MAD1L1: variants seen among roughly 807,000 people sequenced by gnomAD.
The protein encoded by MAD1L1 is mitotic arrest deficient 1 like 1, also known as mitotic spindle assembly checkpoint protein MAD1.
MAD1L1 carries 95 observed loss-of-function variants against 96.9 expected under a neutral mutation model. That is an observed-to-expected ratio of 0.98 (90% CI 0.83 to 1.16). The LOEUF is 1.16. Ranked by LOEUF, MAD1L1 falls within the 50% of genes most tolerant of loss-of-function variation. The probability of loss-of-function intolerance (pLI) is 0.00; values close to 1 mark genes in which losing one functional copy is unlikely to be tolerated. For missense variants in MAD1L1, 1,007 were observed against 954.4 expected, an observed-to-expected ratio of 1.06 and a Z score of -0.73; for synonymous variants, 473 against 396.6, an observed-to-expected ratio of 1.19 and a Z score of -2.29.
At chr7:1,996,934 A>C (rs1186149150) in intron 14 of MAD1L1, among the ~76,000 whole-genome samples, 2 of 151,908 alleles carry the variant, frequency 1.3e-5, no homozygotes, top group Non-Finnish European at 2.9e-5. Context: ...CCCAAAGTCT[A>C]TAAAATATTA....
intron 10 of MAD1L1, among the ~76,000 whole-genome samples, chr7:2,185,467 A>AT (rs1424101495): frequency 3.9e-5 from 6 of 152,196 alleles, no homozygotes; most frequent in African/African-American, 1.4e-4. Context: ...AATTATATAC[A>AT]TAAGATCTGT....
intron 16 of MAD1L1, among the ~76,000 whole-genome samples, chr7:1,949,127 C>G (rs1388261908): frequency 6.6e-6 from 1 of 151,806 alleles, no homozygotes; most frequent in East Asian, 1.9e-4. Context: ...GGTGGCTCTC[C>G]TAGGAGGGGC....
chr7:2,031,715 C>T (rs1277608447), intron 12 of MAD1L1, among the ~76,000 whole-genome samples: 1 of 152,252 alleles, frequency 6.6e-6, no homozygotes, highest in East Asian at 1.9e-4. Context: ...GGGAGGAGGA[C>T]GTGACCCTCG....
intron 15 of MAD1L1, among the ~76,000 whole-genome samples, chr7:1,977,747 G>A (rs933333715): frequency 6.6e-5 from 10 of 152,340 alleles, no homozygotes; most frequent in South Asian, 2.1e-4. Context: ...ACTGCAGAAC[G>A]AGAGGTTCTA....
At chr7:2,174,775 T>A (rs1187225460) in intron 10 of MAD1L1, among the ~76,000 whole-genome samples, 1 of 152,220 alleles carries the variant, frequency 6.6e-6, no homozygotes, top group East Asian at 1.9e-4. Context: ...CACTTTTATC[T>A]CACTGAGGAT....
intron 18 of MAD1L1, among the ~76,000 whole-genome samples, chr7:1,886,376 G>A (rs1307792343): frequency 5.3e-5 from 8 of 152,246 alleles, no homozygotes; most frequent in African/African-American, 1.4e-4. Context: ...GTCTACACCC[G>A]TTGGCAGCAA....
At chr7:1,922,303 G>A (rs772141180) in intron 17 of MAD1L1, among the ~76,000 whole-genome samples, 4 of 152,362 alleles carry the variant, frequency 2.6e-5, no homozygotes, top group Admixed American at 2.0e-4. Flanking sequence ...GACCTCCCAC[G>A]CCTCGCCTCA....
rs1787855624 is a variant in MAD1L1 at position 1,909,125 on chromosome 7, C to CGGCG, written c.1808-10739_1808-10736dup. On this transcript the variant is annotated intron_variant, in intron 17 of 18. Coordinates refer to ENST00000265854, the MANE Select transcript of MAD1L1 (RefSeq NM_001013836.2). ...ACCAGCCTCTGAAGGAGCCCGACAC[C>CGGCG]GGCGTGGTGTACTAGTAGGTGACGC... 3.9e-5 allele frequency among the ~76,000 whole-genome samples: 6 copies of CGGCG among 152,238 alleles called. No individual in the cohort carries two copies. The South Asian group carries it at 1.2e-3, about 32-fold the overall frequency.
At chr7:1,972,279 G>C (rs1219393201) in intron 15 of MAD1L1, among the ~76,000 whole-genome samples, 1 of 152,180 alleles carries the variant, frequency 6.6e-6, no homozygotes, top group Non-Finnish European at 1.5e-5. Context: ...GTGTCAAATT[G>C]ATCTTAATTA....
rs1384420256 is a variant in MAD1L1, at chr7:1,890,723, G to A, written c.1998+7477C>T. ...CCCCGAAACCAAGGCCACCTGTGCT[G>A]TTTTATCAGCTCTCCATCGCTCAGC... is the stretch of plus-strand genomic sequence containing the variant. On this transcript the variant is annotated intron_variant, in intron 18 of 18. Coordinates refer to ENST00000265854, the MANE Select transcript of MAD1L1 (RefSeq NM_001013836.2). 2.0e-5 allele frequency among the ~76,000 whole-genome samples: 3 copies of A among 152,186 alleles called. No individual in the cohort carries two copies. The East Asian group carries it at 5.8e-4, about 29-fold the overall frequency.
chr7:1,994,027 A>T (rs545824736), intron 14 of MAD1L1, among the ~76,000 whole-genome samples: 1 of 152,122 alleles, frequency 6.6e-6, no homozygotes, highest in Non-Finnish European at 1.5e-5. Flanking sequence ...ACCCTGGAGC[A>T]CTCTCCACCA....
intron 11 of MAD1L1, among the ~76,000 whole-genome samples, chr7:2,136,697 G>C (rs1009020449): frequency 2.6e-5 from 4 of 152,108 alleles, no homozygotes; most frequent in African/African-American, 9.7e-5. Context: ...GCATCTCCTC[G>C]GGGCTCAGCA....
chr7:1,971,555 T>C (rs1368194402), intron 15 of MAD1L1, among the ~76,000 whole-genome samples: 1 of 152,182 alleles, frequency 6.6e-6, no homozygotes, highest in Non-Finnish European at 1.5e-5. Context: ...ATATATATTA[T>C]ATAAACGGAA....
At chr7:2,016,680 T>G (rs1156296182) in intron 12 of MAD1L1, among the ~76,000 whole-genome samples, 5 of 4,666 alleles carry the variant, frequency 1.1e-3, no homozygotes, top group African/African-American at 1.1e-3. Flanking sequence ...TCTGGGGCTC[T>G]CCTGCCGTCT....
intron 16 of MAD1L1, among the ~76,000 whole-genome samples, chr7:1,954,662 C>G (rs1779646517): frequency 6.6e-6 from 1 of 152,232 alleles, no homozygotes; most frequent in African/African-American, 2.4e-5. Flanking sequence ...GTCTTCACTT[C>G]AGAACACTGC....
intron 16 of MAD1L1, among the ~76,000 whole-genome samples, chr7:1,939,305 G>A (rs1043702708): frequency 9.6e-5 from 14 of 145,242 alleles, no homozygotes; most frequent in South Asian, 2.3e-4. Flanking sequence ...AGCGGTGCAC[G>A]CACACACATA....
intron 15 of MAD1L1, among the ~76,000 whole-genome samples, chr7:1,971,002 C>G (rs959558657): frequency 6.6e-6 from 1 of 152,196 alleles, no homozygotes; most frequent in Non-Finnish European, 1.5e-5. Flanking sequence ...TCCTTAAACT[C>G]CTTCTCAGGC....
At chr7:2,221,037 G>A (rs376700903) in intron 5 of MAD1L1, 23 of 1,610,818 alleles carry the variant, frequency 1.4e-5, no homozygotes, top group African/African-American at 1.1e-4. Flanking sequence ...GACAGGAGAA[G>A]GCAGTCAAGG....
intron 18 of MAD1L1, among the ~76,000 whole-genome samples, chr7:1,878,013 G>A (rs529584691): frequency 1.3e-4 from 20 of 152,232 alleles, no homozygotes; most frequent in Non-Finnish European, 1.0e-4. Context: ...CACTACAGAT[G>A]CTATGGGTAA....
Sources: allele counts gnomAD v4.1 joint callset (sites outside exome capture counted in the v4.1 genomes callset), GRCh38; gene constraint gnomAD v4.1.1; transcripts MANE v1.5; gene names NCBI Gene and HGNC (gene_info 2026-07-23, HGNC 2026-07-21).